The following TEAD3 variants were observed in gnomAD, a reference collection of about 807,000 sequenced individuals.
TEAD3 encodes the protein TEA domain transcription factor 3.
TEAD3 carries 15 observed loss-of-function variants against 55.6 expected under a neutral mutation model. The observed-to-expected ratio is 0.27, with a 90% CI of 0.18 to 0.42. TEAD3 has a LOEUF of 0.42. TEAD3 is among the 10% of genes least tolerant of loss of function. The probability of loss-of-function intolerance (pLI) is 1.00; values close to 1 mark genes in which losing one functional copy is unlikely to be tolerated. For synonymous variants in TEAD3, 210 were observed against 232.2 expected (o/e 0.90, Z 0.87); for missense variants, 407 against 576.8 (o/e 0.71, Z 3.01).
chr6:35,489,512 C>T (rs930057458), intron 1 of TEAD3, among the ~76,000 whole-genome samples: 7 of 152,118 alleles, frequency 4.6e-5, no homozygotes, highest in African/African-American at 1.4e-4. Flanking sequence ...CTTGAAGACC[C>T]CCGCACTGCC....
At chr6:35,490,863 T>C (rs983184619) in intron 1 of TEAD3, among the ~76,000 whole-genome samples, 40 of 152,116 alleles carry the variant, frequency 2.6e-4, no homozygotes, top group African/African-American at 8.9e-4. Flanking sequence ...GAAAGCTGAC[T>C]GCGGGCGAGA....
In TEAD3 at chr6:35,496,333, G is replaced by C; in HGVS notation, c.-50+565C>G. ...GTGAGCCCCTCCCTGCCTCTCAGGG[G>C]ACACACGGCCGGGGCGCGCGGCTTT... On this transcript the variant is annotated intron_variant, in intron 1 of 12. Transcript: ENST00000639578. The surrounding 1 kb of genome is among the most constrained non-coding windows in gnomAD (Gnocchi z 4.8). 6.6e-6 allele frequency among the ~76,000 whole-genome samples: 1 copy of C among 152,290 alleles called. No individual in the cohort carries two copies. The highest frequency in any genetic ancestry group is 2.4e-5 in the African/African-American group (1 of 41,572).
At chr6:35,490,573 C>T (rs1422205114) in intron 1 of TEAD3, among the ~76,000 whole-genome samples, 1 of 152,212 alleles carries the variant, frequency 6.6e-6, no homozygotes, top group Non-Finnish European at 1.5e-5. Context: ...AGAATGTGCA[C>T]CCCCAAGCTG....
chr6:35,486,373 C>T lies in TEAD3; in HGVS notation c.202+88G>A. The T allele has an allele frequency of 4.2e-6, 6 of 1,443,932 alleles. No individual in the cohort carries two copies. The highest frequency in any genetic ancestry group is 2.7e-5 in the South Asian group (2 of 73,666). The allele number at this position is 1,443,932 out of a possible 1,614,324, so 89.4% of individuals were successfully genotyped here. The stretch of plus-strand genomic sequence containing the variant: ...CCAGACTCGCCCGGCCAGCGGCTGG[C>T]GGCCTCCGACGTCACCAAACCGGTT... On this transcript the variant is annotated intron_variant, in intron 2 of 12. Transcript: ENST00000639578. This position sits in a 1 kb window ranked among gnomAD's most constrained non-coding sequence, Gnocchi z 7.3.
chr6:35,474,883 C>T, downstream of TEAD3: 1 of 613,590 alleles, frequency 1.6e-6, no homozygotes, highest in Non-Finnish European at 2.9e-6. Flanking sequence ...AGAACAGTGG[C>T]AGGGAGTGTG....
rs1256255020 is a variant in TEAD3, at chr6:35,486,602, C to T, written c.61G>A (p.Glu21Lys). 3 of 1,613,396 alleles carry T rather than the reference C, an allele frequency of 1.9e-6. No homozygotes were observed. Among genetic ancestry groups the T allele is most frequent in the South Asian group, 1.1e-5 (1 of 91,078 alleles). The change falls in exon 2 of 13, where the codon GAG (glutamate) becomes AAG (lysine). Residue 21 changes from glutamate to lysine, a missense_variant. Glu to Lys is a moderately conservative substitution (Grantham distance 56). Transcript: ENST00000639578. This position sits in a 1 kb window ranked among gnomAD's most constrained non-coding sequence, Gnocchi z 7.3. Reference sequence around the variant, plus strand: ...TTGTCCAGCCCCTTGTCCAGGCCCTCGGGCCCATCCTCCCGGGCCTCCCCG... The same window carrying T: ...TTGTCCAGCCCCTTGTCCAGGCCCTTGGGCCCATCCTCCCGGGCCTCCCCG...
At position 35,484,544 on chromosome 6, in the gene TEAD3, T is replaced by C. The variant is rs1282238234; in HGVS notation, c.267+16A>G. On this transcript the variant is annotated intron_variant, in intron 3 of 12. Coordinates refer to ENST00000639578, the Ensembl canonical transcript of TEAD3. This position sits in a 1 kb window ranked among gnomAD's most constrained non-coding sequence, Gnocchi z 5.8. ...GAGTGTGTGGGTGGCAGGCCCAGCATAAACCGTCTCTCTACCTGTTTTCTC... is the reference window on the plus strand; with the variant it reads ...GAGTGTGTGGGTGGCAGGCCCAGCACAAACCGTCTCTCTACCTGTTTTCTC... The C allele has an allele frequency of 3.1e-6, 5 of 1,595,404 alleles. No homozygotes were observed. Among genetic ancestry groups the C allele is most frequent in the East Asian group, 2.3e-5 (1 of 44,210 alleles).
In TEAD3 at chr6:35,496,340, G is replaced by A. The variant is rs1248069831; in HGVS notation, c.-50+558C>T. On this transcript the variant is annotated intron_variant, in intron 1 of 12. Coordinates refer to ENST00000639578, the Ensembl canonical transcript of TEAD3. The surrounding 1 kb of genome is among the most constrained non-coding windows in gnomAD (Gnocchi z 4.8). ...CCTCCCTGCCTCTCAGGGGACACAC[G>A]GCCGGGGCGCGCGGCTTTGGTCCCA... 6.6e-6 allele frequency among the ~76,000 whole-genome samples: 1 copy of A among 152,150 alleles called. No homozygotes were observed. The highest frequency in any genetic ancestry group is 1.5e-5 in the Non-Finnish European group (1 of 68,020).
chr6:35,475,879 G>C lies in TEAD3; in HGVS notation c.900+40C>G. 2.0e-6 allele frequency: 3 copies of C among 1,509,312 alleles called. No individual in the cohort carries two copies. Among genetic ancestry groups the C allele is most frequent in the Non-Finnish European group, 2.7e-6 (3 of 1,129,992 alleles). The allele number at this position is 1,509,312 out of a possible 1,614,324, so 93.5% of individuals were successfully genotyped here. On this transcript the variant is annotated intron_variant, in intron 10 of 12. Transcript: ENST00000639578. This position sits in a 1 kb window ranked among gnomAD's most constrained non-coding sequence, Gnocchi z 5.4. ...GCCTGGATGTTGCACCTCTGGGGTG[G>C]GGAAGGGGGCTTGGAGCAGAGAAGG...
chr6:35,479,343 T>C (rs1177277157), intron 4 of TEAD3, 27 bp from the exon 5 acceptor site: 1 of 1,613,878 alleles, frequency 6.2e-7, no homozygotes, highest in East Asian at 2.2e-5. Context: ...GAAGATAGAT[T>C]AGAGGACATG....
At chr6:35,490,166 G>A (rs1027599337) in intron 1 of TEAD3, among the ~76,000 whole-genome samples, 3 of 152,162 alleles carry the variant, frequency 2.0e-5, no homozygotes, top group Non-Finnish European at 4.4e-5. Flanking sequence ...GTCCCTGCCC[G>A]CCTCCCCTCA....
In TEAD3 at chr6:35,486,574, T is replaced by A; in HGVS notation, c.89A>T (p.Asp30Val). The A allele has an allele frequency of 6.2e-7, 1 of 1,613,570 alleles. No individual in the cohort carries two copies. The highest frequency in any genetic ancestry group is 1.1e-5 in the South Asian group (1 of 91,088). ...GTCCGGGCTCCACACGCCCTCCGCA[T>A]CGTTGTCCAGCCCCTTGTCCAGGCC... is the stretch of plus-strand genomic sequence containing the variant. Residue 30 changes from aspartate (D) to valine (V), a missense_variant, in exon 2 of 13, where the codon GAT (aspartate) becomes GTT (valine). Physicochemically the swap from Asp to Val is radical, Grantham distance 152 (BLOSUM62 -3). Transcript: ENST00000639578. The surrounding 1 kb of genome is among the most constrained non-coding windows in gnomAD (Gnocchi z 7.3).
rs941858852 is a variant in TEAD3, at chr6:35,496,212, G to C, written c.-50+686C>G. 5.9e-5 allele frequency among the ~76,000 whole-genome samples: 9 copies of C among 152,202 alleles called. No homozygotes were observed. Among genetic ancestry groups the C allele is most frequent in the Admixed American group, 5.2e-4 (8 of 15,286 alleles). ...CCCTGAGCAAGTGTGGGGAAGAAAA[G>C]GCCCCAAATCCAGACCCCTCCGAGC... On this transcript the variant is annotated intron_variant, in intron 1 of 12. Coordinates refer to ENST00000639578, the Ensembl canonical transcript of TEAD3. This position sits in a 1 kb window ranked among gnomAD's most constrained non-coding sequence, Gnocchi z 4.8.
At chr6:35,480,073 T>A (rs536179425) in exon 4 of TEAD3, 1 of 1,527,844 alleles carries the variant, frequency 6.5e-7, no homozygotes, top group East Asian at 2.5e-5. Context: ...CAGCTTAGAC[T>A]GAATCTCCCG....
At chr6:35,492,007 C>T (rs1768531804) in intron 1 of TEAD3, among the ~76,000 whole-genome samples, 1 of 152,180 alleles carries the variant, frequency 6.6e-6, no homozygotes, top group South Asian at 2.1e-4. Flanking sequence ...GTAGGAGGCA[C>T]AGAAAAAGCC....
At chr6:35,479,941 T>C (rs999791464) in intron 4 of TEAD3, 28 of 860,906 alleles carry the variant, frequency 3.3e-5, no homozygotes, top group Non-Finnish European at 4.3e-5. Flanking sequence ...TGTTTCTTTC[T>C]GGACCCCCTC....
Position 35,477,387 on chromosome 6 carries a change from A to G in TEAD3, c.531-15T>C. 2 of 1,598,702 alleles carry G rather than the reference A, an allele frequency of 1.3e-6. No homozygotes were observed. The highest frequency in any genetic ancestry group is 1.7e-6 in the Non-Finnish European group (2 of 1,179,142). ...AGGGCTTGATGCTGCAGACAGGAGC[A>G]CAGCCTGGTGAGAGGGTTCCCTCTT... is the stretch of plus-strand genomic sequence containing the variant. On this transcript the variant is annotated splice_polypyrimidine_tract_variant and intron_variant, in intron 7 of 12. Coordinates refer to ENST00000639578, the Ensembl canonical transcript of TEAD3.
At chr6:35,489,176 C>G (rs990465898) in intron 1 of TEAD3, among the ~76,000 whole-genome samples, 1 of 152,206 alleles carries the variant, frequency 6.6e-6, no homozygotes, top group Non-Finnish European at 1.5e-5. Context: ...CTGTCATATG[C>G]CAGGCACTGT....
Position 35,490,868 on chromosome 6 carries a change from G to A in TEAD3, c.-49-4157C>T, listed in dbSNP as rs570419288. ...GACATCTAGAGAAAGCTGACTGCGG[G>A]CGAGAGGGCAAGCCCTGGGCTGCTG... On this transcript the variant is annotated intron_variant, in intron 1 of 12. Coordinates refer to ENST00000639578, the Ensembl canonical transcript of TEAD3. 8.5e-5 allele frequency among the ~76,000 whole-genome samples: 13 copies of A among 152,310 alleles called. No homozygotes were observed. In the South Asian group the frequency reaches 2.7e-3, roughly 32 times the overall value.
Sources: gnomAD v4.1 joint callset for allele counts (sites outside exome capture counted in the v4.1 genomes callset) on GRCh38, gnomAD v4.1.1 for gene constraint, Gnocchi (gnomAD v3.1) non-coding constraint, MANE v1.5 for transcripts, NCBI Gene and HGNC (gene_info 2026-07-23, HGNC 2026-07-21) for gene names.